Variants in CATSPERT observed in about 807,000 individuals in gnomAD.
CATSPERT encodes the protein cation channel sperm-associated targeting subunit tau.
At chr2:201,499,283 G>C in the CATSPERT span, among the ~76,000 whole-genome samples, 1 of 152,150 alleles carries the variant, frequency 6.6e-6, no homozygotes, top group African/African-American at 2.4e-5. Flanking sequence ...AAATAGCTCA[G>C]AGATATTCAA....
the CATSPERT span, among the ~76,000 whole-genome samples, chr2:201,528,581 T>TA: frequency 1.1e-4 from 17 of 151,048 alleles, no homozygotes; most frequent in Admixed American, 4.6e-4. Context: ...GATGCAACTA[T>TA]AAAAAAAAAG....
At chr2:201,535,035 T>A in the CATSPERT span, 20 of 736,030 alleles carry the variant, frequency 2.7e-5, no homozygotes, top group Non-Finnish European at 2.8e-5. Context: ...TTATAACTGC[T>A]TTTATTTTTT....
the CATSPERT span, among the ~76,000 whole-genome samples, chr2:201,521,457 G>GAGAGACAC: frequency 9.9e-4 from 149 of 150,878 alleles, 2 homozygotes; most frequent in South Asian, 7.2e-3. Context: ...GAGAGAAAGA[G>GAGAGACAC]ACACACAGAG....
chr2:201,598,585 G>A, the CATSPERT span, among the ~76,000 whole-genome samples: 1 of 151,950 alleles, frequency 6.6e-6, no homozygotes, highest in Non-Finnish European at 1.5e-5. Flanking sequence ...CAAGGCTATA[G>A]CTCCAACCAC....
At chr2:201,562,518 ATTTATTTAT>A in the CATSPERT span, among the ~76,000 whole-genome samples, 11 of 111,952 alleles carry the variant, frequency 9.8e-5, 1 homozygote, top group South Asian at 2.1e-3. Flanking sequence ...TTATTTATTT[ATTTATTTAT>A]TTTTTTTATT....
the CATSPERT span, among the ~76,000 whole-genome samples, chr2:201,540,124 G>A: frequency 2.6e-5 from 4 of 152,186 alleles, no homozygotes; most frequent in Non-Finnish European, 5.9e-5. Context: ...AAGCTGAGAG[G>A]TGAGGTGGCT....
the CATSPERT span, chr2:201,603,195 T>C: frequency 6.3e-7 from 1 of 1,594,974 alleles, no homozygotes; most frequent in Non-Finnish European, 8.6e-7. Flanking sequence ...ATATAATTAC[T>C]ATGATTCTTA....
At chr2:201,538,220 TCTGA>T in the CATSPERT span, among the ~76,000 whole-genome samples, 48 of 152,094 alleles carry the variant, frequency 3.2e-4, 1 homozygote, top group African/African-American at 1.1e-3. Flanking sequence ...AGCATTCTAC[TCTGA>T]CTATTTCATA....
At chr2:201,579,747 T>C in the CATSPERT span, among the ~76,000 whole-genome samples, 3 of 152,134 alleles carry the variant, frequency 2.0e-5, no homozygotes, top group Non-Finnish European at 2.9e-5. Context: ...TCTGTACTTA[T>C]CTTAAGGTAT....
the CATSPERT span, among the ~76,000 whole-genome samples, chr2:201,518,360 G>A: frequency 1.1e-4 from 16 of 152,360 alleles, no homozygotes; most frequent in South Asian, 3.3e-3. Flanking sequence ...AGCCACTGCT[G>A]CTAGTGGAAA....
At chr2:201,604,961 T>C in the CATSPERT span, among the ~76,000 whole-genome samples, 1 of 152,052 alleles carries the variant, frequency 6.6e-6, no homozygotes, top group Non-Finnish European at 1.5e-5. Context: ...GAATATTTAG[T>C]AGGATATCTT....
chr2:201,487,582 T>G, the CATSPERT span: 1 of 1,587,298 alleles, frequency 6.3e-7, no homozygotes, highest in African/African-American at 1.3e-5. Context: ...TTAAACATGT[T>G]TTATAATATC....
the CATSPERT span, among the ~76,000 whole-genome samples, chr2:201,489,848 T>C: frequency 4.7e-5 from 7 of 148,432 alleles, no homozygotes; most frequent in East Asian, 1.4e-3. Context: ...AGTCGCAGAT[T>C]TACTTTCCTA....
At chr2:201,561,350 AC>A in the CATSPERT span, among the ~76,000 whole-genome samples, 1 of 152,318 alleles carries the variant, frequency 6.6e-6, no homozygotes, top group East Asian at 1.9e-4. Context: ...TACATATACG[AC>A]TTTTTTAAAA....
the CATSPERT span, among the ~76,000 whole-genome samples, chr2:201,506,384 T>C: frequency 6.6e-6 from 1 of 152,228 alleles, no homozygotes; most frequent in Non-Finnish European, 1.5e-5. Flanking sequence ...AAATAAGTTA[T>C]AGCAAATTCT....
chr2:201,617,877 C>A, the CATSPERT span, among the ~76,000 whole-genome samples: 1 of 152,136 alleles, frequency 6.6e-6, no homozygotes, highest in Non-Finnish European at 1.5e-5. Flanking sequence ...AAACAAACAA[C>A]CCCATCAAAA....
the CATSPERT span, chr2:201,618,871 A>C: frequency 6.2e-7 from 1 of 1,608,062 alleles, no homozygotes; most frequent in Non-Finnish European, 8.5e-7. Context: ...CCGGTCCTCC[A>C]GGTGCCGGCC....
At chr2:201,536,765 T>C in the CATSPERT span, among the ~76,000 whole-genome samples, 1 of 151,886 alleles carries the variant, frequency 6.6e-6, no homozygotes, top group Admixed American at 6.6e-5. Context: ...AAATAAAGGA[T>C]AGCCTGTTAA....
the CATSPERT span, among the ~76,000 whole-genome samples, chr2:201,601,297 TGTGTGTGTGTGTGTGTGTGG>T: frequency 6.9e-6 from 1 of 144,120 alleles, no homozygotes. Flanking sequence ...TGTGTGTGTG[TGTGTGTGTGTGTGTGTGTGG>T]GTTGTAATAA....
Sources: gnomAD v4.1 joint callset for allele counts (sites outside exome capture counted in the v4.1 genomes callset) on GRCh38, gnomAD v4.1.1 for gene constraint, MANE v1.5 for transcripts, NCBI Gene and HGNC (gene_info 2026-07-23, HGNC 2026-07-21) for gene names.